Variants in TUFT1 observed in about 807,000 individuals in gnomAD.
The protein encoded by TUFT1 is tuftelin.
Under a neutral mutation model 57.8 loss-of-function variants are expected in TUFT1, and 43 were observed. The ratio of observed to expected loss-of-function variants is 0.74; its 90% CI spans 0.58 to 0.96. TUFT1 has a LOEUF of 0.96. Ranked by LOEUF, TUFT1 falls within the 40% of genes least tolerant of loss-of-function variation. The pLI is 0.00. For synonymous variants in TUFT1, 166 were observed against 176.7 expected (o/e 0.94, Z 0.48); for missense variants, 459 against 489.0 (o/e 0.94, Z 0.58).
At chr1:151,544,470 T>C (rs1447434980) in intron 1 of TUFT1, among the ~76,000 whole-genome samples, 11 of 152,204 alleles carry the variant, frequency 7.2e-5, no homozygotes, top group Admixed American at 3.3e-4. Context: ...CTAATTTTTG[T>C]ACTTTTACTA....
intron 1 of TUFT1, among the ~76,000 whole-genome samples, chr1:151,560,956 T>TTGTGTGTGTGTGTGTGTG (rs68056033): frequency 1.1e-4 from 15 of 132,450 alleles, no homozygotes; most frequent in Non-Finnish European, 2.4e-4. Context: ...CTGCAAAGTA[T>TTGTGTGTGTGTGTGTGTG]TGTGTGTGTG....
chr1:151,571,780 T>C (rs1370561585), intron 7 of TUFT1, among the ~76,000 whole-genome samples: 2 of 152,220 alleles, frequency 1.3e-5, no homozygotes, highest in Non-Finnish European at 2.9e-5. Context: ...TGGAGGAGTC[T>C]GCCGCTCTGG....
At chr1:151,562,040 C>G in intron 1 of TUFT1, 51 bp from the exon 2 acceptor site, 1 of 1,583,062 alleles carries the variant, frequency 6.3e-7, no homozygotes, top group Non-Finnish European at 8.7e-7. Context: ...CAGTTTGTAC[C>G]TGTAGACTGT....
chr1:151,550,489 C>T (rs986957735), intron 1 of TUFT1, among the ~76,000 whole-genome samples: 1 of 151,898 alleles, frequency 6.6e-6, no homozygotes, highest in Non-Finnish European at 1.5e-5. Flanking sequence ...GGATTACAAG[C>T]ATGCACCACC....
At chr1:151,548,305 C>CT (rs11435666) in intron 1 of TUFT1, among the ~76,000 whole-genome samples, 47,326 of 130,334 alleles carry the variant, frequency 0.36, 9,945 homozygotes, top group East Asian at 0.82. Flanking sequence ...TTTTTCTTTT[C>CT]TTTTTTTTTT....
chr1:151,569,621 G>A, intron 6 of TUFT1, 36 bp from the exon 7 acceptor site: 1 of 1,581,652 alleles, frequency 6.3e-7, no homozygotes, highest in Non-Finnish European at 8.7e-7. Flanking sequence ...TCAGAAACTT[G>A]AGGGCTTCCC....
At chr1:151,564,678 A>C in intron 5 of TUFT1, 64 bp downstream of exon 5, 124 of 1,326,870 alleles carry the variant, frequency 9.3e-5, no homozygotes, top group Non-Finnish European at 1.2e-4. Context: ...AGGCAGTCTC[A>C]TTTACCAATT....
intron 1 of TUFT1, 166 bp downstream of exon 1, chr1:151,540,592 G>GT: frequency 1.4e-6 from 1 of 734,666 alleles, no homozygotes; most frequent in Non-Finnish European, 2.2e-6. Flanking sequence ...GCGACGGGCA[G>GT]TGGGAGTCGC....
chr1:151,581,719 A>G lies in TUFT1; in HGVS notation c.*12A>G, dbSNP rs370973236. ...TGGTGGAAACCTGAGCTGCCTGGAG[A>G]TGGTTGCTGCCATTGCTGCTGCCTC... On this transcript the variant is annotated 3_prime_UTR_variant, in exon 13 of 13. Transcript: ENST00000368849. The G allele has an allele frequency of 4.3e-6, 7 of 1,613,806 alleles. No homozygotes were observed. In the African/African-American group the frequency reaches 8.0e-5, roughly 18 times the overall value.
At chr1:151,560,894 GC>G (rs1384057128) in intron 1 of TUFT1, among the ~76,000 whole-genome samples, 1 of 151,362 alleles carries the variant, frequency 6.6e-6, no homozygotes, top group East Asian at 1.9e-4. Context: ...CAATCTACAG[GC>G]CCTTACTTTT....
intron 1 of TUFT1, among the ~76,000 whole-genome samples, chr1:151,544,901 T>C (rs1030766215): frequency 6.6e-6 from 1 of 152,224 alleles, no homozygotes; most frequent in African/African-American, 2.4e-5. Context: ...GTAGGAATTA[T>C]AGGAAAATCT....
At chr1:151,561,430 C>T (rs1447411055) in intron 1 of TUFT1, 2 of 489,482 alleles carry the variant, frequency 4.1e-6, no homozygotes, top group African/African-American at 4.3e-5. Flanking sequence ...GGGTGGATCA[C>T]TTAAGCCTGG....
rs769723174 is a variant in TUFT1, at chr1:151,579,715, G to A, written c.991G>A (p.Ala331Thr). ...CATCCAGGAGCTCAAGGAGAAAATC[G>A]CCTATCTGGAGGCAGAGGTGTGTGT... is the stretch of plus-strand genomic sequence containing the variant. Reference protein sequence around the residue: ...ATIQELKEKIAYLEAENLEMH... With the variant: ...ATIQELKEKITYLEAENLEMH... The change falls in exon 11 of 13, where the codon GCC (alanine) becomes ACC (threonine). Residue 331 changes from alanine (A) to threonine (T), a missense_variant. Transcript: ENST00000368849. The A allele has an allele frequency of 3.1e-6, 5 of 1,613,660 alleles. No individual in the cohort carries two copies. Among genetic ancestry groups the A allele is most frequent in the South Asian group, 2.2e-5 (2 of 90,990 alleles).
rs566539975 is a variant in TUFT1, at chr1:151,540,698, C to T, written c.60+272C>T. On this transcript the variant is annotated intron_variant, in intron 1 of 12. Transcript: ENST00000368849. ...GCCTGGGACTCGGCGCCGGCGAGCC[C>T]GTGCTTGGGCCGCGGGTCTCAGGCG... The T allele has an allele frequency of 3.1e-5, 13 of 420,352 alleles. No homozygotes were observed. In the Admixed American group the frequency reaches 4.6e-4, roughly 15 times the overall value. The allele number at this position is 420,352 out of a possible 1,614,324, so 26.0% of individuals were successfully genotyped here.
At chr1:151,578,678 T>G in intron 9 of TUFT1, 43 bp from the exon 10 acceptor site, 2 of 1,497,676 alleles carry the variant, frequency 1.3e-6, no homozygotes, top group Non-Finnish European at 1.8e-6. Flanking sequence ...GGTAAATAAG[T>G]GATCTTGTTC....
chr1:151,575,144 G>A (rs999138791), intron 9 of TUFT1, 139 bp downstream of exon 9: 9 of 755,796 alleles, frequency 1.2e-5, no homozygotes, highest in South Asian at 1.7e-5. Flanking sequence ...CTGACTCACC[G>A]TGAGCTTGCT....
intron 5 of TUFT1, among the ~76,000 whole-genome samples, chr1:151,565,431 A>G (rs140466513): frequency 2.9e-4 from 44 of 152,388 alleles, no homozygotes; most frequent in African/African-American, 1.0e-3. Flanking sequence ...TGAGGGGAAC[A>G]GTGGCCCAGC....
chr1:151,554,152 G>C (rs1181977136), intron 1 of TUFT1, among the ~76,000 whole-genome samples: 1 of 152,128 alleles, frequency 6.6e-6, no homozygotes, highest in African/African-American at 2.4e-5. Flanking sequence ...AACATCTTAT[G>C]TCACCATGGC....
In TUFT1 at chr1:151,564,616, T is replaced by C; in HGVS notation, c.414+2T>C. On this transcript the variant is annotated splice_donor_variant, in intron 5 of 12. Coordinates refer to ENST00000368849, the MANE Select transcript of TUFT1 (RefSeq NM_020127.3). LOFTEE classifies it high-confidence loss of function. ...TCTCTCCATCGACAGGAGATACAGG[T>C]AATAGGAAATGGTCCATGGTTGGGT... The C allele has an allele frequency of 6.2e-7, 1 of 1,613,160 alleles. No individual in the cohort carries two copies. The highest frequency in any genetic ancestry group is 8.5e-7 in the Non-Finnish European group (1 of 1,179,192).
Sources: gnomAD v4.1 joint callset for allele counts (sites outside exome capture counted in the v4.1 genomes callset) on GRCh38, gnomAD v4.1.1 for gene constraint, MANE v1.5 for transcripts, NCBI Gene and HGNC (gene_info 2026-07-23, HGNC 2026-07-21) for gene names.